RBFOX2: variants seen among roughly 807,000 people sequenced by gnomAD.
RBFOX2 encodes RNA binding fox-1 homolog 2.
A neutral mutation model predicts 49.1 loss-of-function variants in RBFOX2; 10 were observed. The ratio of observed to expected loss-of-function variants is 0.20; its 90% CI spans 0.13 to 0.35. RBFOX2 has a LOEUF of 0.35. Ranked by LOEUF, RBFOX2 falls within the 10% of genes least tolerant of loss-of-function variation. RBFOX2 has a pLI of 1.00. For synonymous variants in RBFOX2, 183 were observed against 187.4 expected (o/e 0.98, Z 0.19); for missense variants, 323 against 486.9 (o/e 0.66, Z 3.17).
chr22:35,756,042 CAG>C (rs1602188299), intron 9 of RBFOX2, 61 bp downstream of exon 11: 1 of 1,243,076 alleles, frequency 8.0e-7, no homozygotes, highest in Non-Finnish European at 1.0e-6. Context: ...ACCAAAGAAA[CAG>C]AAAAAAAAAG....
Position 36,028,221 on chromosome 22 carries a change from C to CG in RBFOX2, c.186+18_186+19insC. The CG allele has an allele frequency of 2.7e-6, 4 of 1,488,248 alleles. No individual in the cohort carries two copies. The highest frequency in any genetic ancestry group is 3.5e-6 in the Non-Finnish European group (4 of 1,126,990). The allele number at this position is 1,488,248 out of a possible 1,614,324, so 92.2% of individuals were successfully genotyped here. Reference sequence around the variant, plus strand: ...CGCCCACCCCCGCAATAACTGGGCGCCCCGTCCCGCGCGGTCACCTGCATC... The same window carrying CG: ...CGCCCACCCCCGCAATAACTGGGCGCGCCCGTCCCGCGCGGTCACCTGCATC... On this transcript the variant is annotated intron_variant, in intron 1 of 13. Coordinates refer to the RBFOX2 transcript ENST00000438146.
chr22:35,791,936 G>A (rs1947755012), intron 2 of RBFOX2, among the ~76,000 whole-genome samples: 1 of 152,136 alleles, frequency 6.6e-6, no homozygotes, highest in Admixed American at 6.5e-5. Flanking sequence ...TCAAGAATAA[G>A]CCTATCAAAG....
At chr22:35,901,538 G>A (rs991452202) in intron 1 of RBFOX2, among the ~76,000 whole-genome samples, 1 of 152,132 alleles carries the variant, frequency 6.6e-6, no homozygotes, top group Non-Finnish European at 1.5e-5. Context: ...GGGAGTTGGT[G>A]TACACATACT....
chr22:35,760,159 C>A, intron 8 of RBFOX2, 139 bp from the exon 10 acceptor site: 1 of 1,097,352 alleles, frequency 9.1e-7, no homozygotes, highest in South Asian at 1.5e-5. Context: ...GGCATGCATT[C>A]AATAAACGTT....
At position 35,816,137 on chromosome 22, in the gene RBFOX2, A is replaced by G. The variant is rs900613581; in HGVS notation, c.28-6133T>C. Among the ~76,000 whole-genome samples, 3 of 152,250 alleles carry G rather than the reference A, an allele frequency of 2.0e-5. 1 individual carries two copies. The South Asian group carries it at 6.2e-4, about 31-fold the overall frequency. On this transcript the variant is annotated intron_variant, in intron 1 of 11. Coordinates refer to ENST00000405409, the Ensembl canonical transcript of RBFOX2. The stretch of plus-strand genomic sequence containing the variant: ...CCAGATAAATAAATCAGATAAACAC[A>G]TACAAAGACAAAACAATGCTCATTT...
upstream of RBFOX2, among the ~76,000 whole-genome samples, chr22:35,964,780 C>T (rs1370948746): frequency 6.6e-6 from 1 of 152,118 alleles, no homozygotes; most frequent in Non-Finnish European, 1.5e-5. Flanking sequence ...CCATGTGAAC[C>T]AGTTAGCATC....
intron 1 of RBFOX2, among the ~76,000 whole-genome samples, chr22:35,952,246 G>T (rs1453894030): frequency 1.3e-5 from 2 of 152,290 alleles, no homozygotes; most frequent in East Asian, 3.9e-4. Flanking sequence ...GTTTCCTCTG[G>T]ACTTCACCGC....
upstream of RBFOX2, among the ~76,000 whole-genome samples, chr22:35,964,603 T>G (rs1311718128): frequency 1.3e-5 from 2 of 152,228 alleles, no homozygotes; most frequent in Non-Finnish European, 2.9e-5. Flanking sequence ...CACAGTCTAT[T>G]TGTTGGTTTT....
intron 1 of RBFOX2, among the ~76,000 whole-genome samples, chr22:35,936,836 T>C (rs1488589247): frequency 6.6e-6 from 1 of 152,218 alleles, no homozygotes; most frequent in African/African-American, 2.4e-5. Context: ...TATTGATCTA[T>C]AATCCCCACA....
At chr22:35,999,971 G>T (rs1003869435) in intron 1 of RBFOX2, 4 of 144,148 alleles carry the variant, frequency 2.8e-5, no homozygotes, top group Non-Finnish European at 6.0e-5. Flanking sequence ...TCCAAATCAA[G>T]AAATATAAAA....
At chr22:35,884,741 C>T (rs530909817) in intron 1 of RBFOX2, among the ~76,000 whole-genome samples, 1 of 152,148 alleles carries the variant, frequency 6.6e-6, no homozygotes, top group African/African-American at 2.4e-5. Context: ...AGATAATACA[C>T]AAGGGTATGA....
At chr22:35,918,146 C>T (rs1289046066) in intron 1 of RBFOX2, among the ~76,000 whole-genome samples, 1 of 152,174 alleles carries the variant, frequency 6.6e-6, no homozygotes, top group Admixed American at 6.5e-5. Context: ...GCTGACATGC[C>T]AAAGGGCCAG....
At chr22:35,860,704 T>A (rs2149081275) in intron 1 of RBFOX2, among the ~76,000 whole-genome samples, 1 of 152,336 alleles carries the variant, frequency 6.6e-6, no homozygotes, top group South Asian at 2.1e-4. Flanking sequence ...TAGAATCAGC[T>A]TGTCAATTTC....
upstream of RBFOX2, among the ~76,000 whole-genome samples, chr22:35,942,708 C>A (rs1439679870): frequency 2.1e-5 from 3 of 146,214 alleles, no homozygotes; most frequent in Non-Finnish European, 4.5e-5. Flanking sequence ...GGCAGCACAG[C>A]GACATCCCAT....
intron 1 of RBFOX2, among the ~76,000 whole-genome samples, chr22:35,888,702 T>C (rs538774553): frequency 6.6e-6 from 1 of 152,204 alleles, no homozygotes; most frequent in African/African-American, 2.4e-5. Flanking sequence ...GCCCTCATCA[T>C]TCCACCAAAA....
chr22:35,932,747 G>A (rs1377433973), intron 1 of RBFOX2, among the ~76,000 whole-genome samples: 9 of 152,118 alleles, frequency 5.9e-5, no homozygotes, highest in Admixed American at 3.9e-4. Flanking sequence ...CAGGCTTAGT[G>A]TCGCATGTCT....
At chr22:35,929,001 A>C (rs2052028798) in intron 1 of RBFOX2, among the ~76,000 whole-genome samples, 1 of 152,094 alleles carries the variant, frequency 6.6e-6, no homozygotes, top group Non-Finnish European at 1.5e-5. Context: ...AGCTGGTAAT[A>C]CCAGCTACTC....
At chr22:35,920,627 C>T (rs933568717) in intron 1 of RBFOX2, among the ~76,000 whole-genome samples, 2 of 152,184 alleles carry the variant, frequency 1.3e-5, no homozygotes, top group Non-Finnish European at 2.9e-5. Context: ...TACCAAAGCA[C>T]TCAGTATCCT....
chr22:35,870,236 C>T (rs574799722), intron 1 of RBFOX2, among the ~76,000 whole-genome samples: 2 of 152,202 alleles, frequency 1.3e-5, no homozygotes, highest in East Asian at 3.9e-4. Context: ...TGGTTGGGCA[C>T]GGTGGCTCAT....
Sources: allele counts gnomAD v4.1 joint callset (sites outside exome capture counted in the v4.1 genomes callset), GRCh38; gene constraint gnomAD v4.1.1; transcripts MANE v1.5; gene names NCBI Gene and HGNC (gene_info 2026-07-23, HGNC 2026-07-21).